ANGPT2: variants seen among roughly 807,000 people sequenced by gnomAD.
The protein encoded by ANGPT2 is angiopoietin 2.
A neutral mutation model predicts 62.9 loss-of-function variants in ANGPT2; 28 were observed. The ratio of observed to expected loss-of-function variants is 0.44; its 90% CI spans 0.33 to 0.61. ANGPT2 has a LOEUF of 0.61. ANGPT2 is among the 20% of genes least tolerant of loss of function. ANGPT2 has a pLI of 0.03. For missense variants in ANGPT2, 727 were observed against 594.9 expected (o/e 1.22, Z -2.31); for synonymous variants, 284 against 207.8 (o/e 1.37, Z -3.15).
chr8:6,508,619 C>G, intron 8 of ANGPT2: 1 of 483,990 alleles, frequency 2.1e-6, no homozygotes, highest in South Asian at 4.5e-5. Context: ...TGTAATTAAA[C>G]CATCTCTCTA....
At chr8:6,547,638 A>T (rs146227746) in intron 1 of ANGPT2, among the ~76,000 whole-genome samples, 1 of 152,148 alleles carries the variant, frequency 6.6e-6, no homozygotes, top group African/African-American at 2.4e-5. Context: ...GTTCCTATCA[A>T]ACAGTGAGTG....
intron 8 of ANGPT2, chr8:6,508,660 T>A (rs1196155886): frequency 3.4e-6 from 2 of 588,462 alleles, no homozygotes; most frequent in East Asian, 5.6e-5. Context: ...CAGGAGAGCT[T>A]GCTAAGAATC....
At chr8:6,554,416 A>T (rs1348167276) in intron 1 of ANGPT2, among the ~76,000 whole-genome samples, 1 of 152,108 alleles carries the variant, frequency 6.6e-6, no homozygotes, top group African/African-American at 2.4e-5. Context: ...ACAGGAAATG[A>T]TTGCTTCTCT....
Position 6,535,077 on chromosome 8 carries a change from C to T in ANGPT2, c.289-2590G>A, listed in dbSNP as rs535870871. On this transcript the variant is annotated intron_variant, in intron 1 of 8. Transcript: ENST00000629816. ...ACTCCAGCTGGAGTTTAGTTTAAGC[C>T]CATACTCAGAAATAATAATTTACAA... Among the ~76,000 whole-genome samples the T allele has an allele frequency of 3.3e-5, 5 of 152,144 alleles. No individual in the cohort carries two copies. The South Asian group carries it at 1.0e-3, about 32-fold the overall frequency.
intron 8 of ANGPT2, among the ~76,000 whole-genome samples, chr8:6,504,317 C>CAAA (rs35379672): frequency 0.052 from 4,427 of 85,724 alleles, 215 homozygotes; most frequent in African/African-American, 0.077. Flanking sequence ...GACTCCAGCT[C>CAAA]AAAAAAAAAA....
chr8:6,513,568 C>G (rs879160607), intron 7 of ANGPT2, 110 bp downstream of exon 7: 117 of 732,588 alleles, frequency 1.6e-4, no homozygotes, highest in Non-Finnish European at 1.7e-4. Context: ...CTCCTGACCT[C>G]GTGATCTGCC....
intron 7 of ANGPT2, among the ~76,000 whole-genome samples, chr8:6,510,755 G>A (rs1206797680): frequency 6.6e-6 from 1 of 152,202 alleles, no homozygotes; most frequent in Non-Finnish European, 1.5e-5. Flanking sequence ...TGAAGAAGTT[G>A]TGAAAAGATG....
chr8:6,541,401 G>T (rs764863812), intron 1 of ANGPT2, among the ~76,000 whole-genome samples: 1 of 152,176 alleles, frequency 6.6e-6, no homozygotes, highest in African/African-American at 2.4e-5. Flanking sequence ...AGTCAGCAGC[G>T]CTGGAGAGGA....
intron 1 of ANGPT2, among the ~76,000 whole-genome samples, chr8:6,538,988 G>A (rs1016471290): frequency 6.6e-6 from 1 of 152,000 alleles, no homozygotes; most frequent in African/African-American, 2.4e-5. Context: ...ACAGAAAAGT[G>A]GCAAAACTGG....
intron 1 of ANGPT2, among the ~76,000 whole-genome samples, chr8:6,546,539 C>CT (rs11418335): frequency 0.49 from 74,771 of 151,984 alleles, 18,766 homozygotes; most frequent in African/African-American, 0.61. Context: ...AATAAAGGAT[C>CT]TTTTTTTAAA....
rs570602551 is a variant in ANGPT2, at chr8:6,521,779, G to A, written c.567-369C>T. Among the ~76,000 whole-genome samples the A allele has an allele frequency of 2.0e-5, 3 of 152,280 alleles. No individual in the cohort carries two copies. In the South Asian group the frequency reaches 6.2e-4, roughly 32 times the overall value. ...TGCTCATGAAGTGCTTTTTTGAGAA[G>A]GGAGAGTTTCAACTGGGCTGGACCC... On this transcript the variant is annotated intron_variant, in intron 3 of 8. Transcript: ENST00000629816.
At position 6,532,045 on chromosome 8, in the gene ANGPT2, G is replaced by C. The variant is rs377578899; in HGVS notation, c.444+287C>G. Among the ~76,000 whole-genome samples the C allele has an allele frequency of 9.2e-5, 14 of 152,278 alleles. No individual in the cohort carries two copies. In the South Asian group the frequency reaches 2.3e-3, roughly 25 times the overall value. ...TCCAGAAAGCACCAGGGAGACAGAGGGGGTATTCATCTTGCAGTGGTTGGG... is the reference window on the plus strand; with the variant it reads ...TCCAGAAAGCACCAGGGAGACAGAGCGGGTATTCATCTTGCAGTGGTTGGG... On this transcript the variant is annotated intron_variant, in intron 2 of 8. Transcript: ENST00000629816.
At chr8:6,556,582 C>G (rs753114924) in intron 1 of ANGPT2, among the ~76,000 whole-genome samples, 3 of 152,038 alleles carry the variant, frequency 2.0e-5, no homozygotes, top group Non-Finnish European at 1.5e-5. Context: ...AGCATAGTGT[C>G]CCCCTGGGGC....
chr8:6,548,754 A>G (rs1441214340), intron 1 of ANGPT2, among the ~76,000 whole-genome samples: 1 of 152,238 alleles, frequency 6.6e-6, no homozygotes, highest in African/African-American at 2.4e-5. Flanking sequence ...TCTCTCTCTG[A>G]TGATGCTGGA....
chr8:6,527,608 T>C lies in ANGPT2; in HGVS notation c.513A>G (p.Glu171=). ...LEHSLSTNKL[E]KQILDQTSEI... ...CACTGGTCTGGTCCAAAATCTGTTT[T>C]TCCAATTTGTTTGTCGAGAGGGAGT... Residue 171 remains glutamate, a synonymous_variant, in exon 3 of 9, where the codon GAA becomes GAG. Coordinates refer to ENST00000629816, the MANE Select transcript of ANGPT2 (RefSeq NM_001118887.2). 1 of 1,614,116 alleles carries C rather than the reference T, an allele frequency of 6.2e-7. No homozygotes were observed. The highest frequency in any genetic ancestry group is 8.5e-7 in the Non-Finnish European group (1 of 1,179,982).
intron 7 of ANGPT2, among the ~76,000 whole-genome samples, chr8:6,513,371 C>T (rs984621073): frequency 1.7e-4 from 24 of 144,312 alleles, no homozygotes; most frequent in African/African-American, 5.4e-4. Flanking sequence ...CTTGCTCTGT[C>T]GCCCAGGTTG....
chr8:6,543,679 C>T (rs749153088), intron 1 of ANGPT2, among the ~76,000 whole-genome samples: 9 of 152,062 alleles, frequency 5.9e-5, no homozygotes, highest in Admixed American at 2.0e-4. Context: ...CGCTGAAGTT[C>T]GTGCTTTTCT....
chr8:6,559,307 T>C (rs1563126713), intron 1 of ANGPT2, among the ~76,000 whole-genome samples: 1 of 151,894 alleles, frequency 6.6e-6, no homozygotes, highest in Non-Finnish European at 1.5e-5. Flanking sequence ...TGGGTTCCCC[T>C]GGGAGCCCCT....
chr8:6,514,858 C>A lies in ANGPT2; in HGVS notation c.928-80G>T, dbSNP rs1220253788. The A allele has an allele frequency of 2.4e-6, 3 of 1,247,740 alleles. No homozygotes were observed. The African/African-American group carries it at 4.4e-5, about 18-fold the overall frequency. 77.3% of individuals were successfully genotyped at this position (1,247,740 alleles called of 1,614,324 possible). A position where few individuals can be genotyped will look rare whatever the true frequency, so the allele number is the denominator to read the frequency against. ...GTAGCAGAAGCAGGAGGAATGTAGACCCTGAGTGCAGGACTCAGCCGAGAG... is the reference window on the plus strand; with the variant it reads ...GTAGCAGAAGCAGGAGGAATGTAGAACCTGAGTGCAGGACTCAGCCGAGAG... On this transcript the variant is annotated intron_variant, in intron 5 of 8. Coordinates refer to ENST00000629816, the MANE Select transcript of ANGPT2 (RefSeq NM_001118887.2).
Sources: allele counts gnomAD v4.1 joint callset (sites outside exome capture counted in the v4.1 genomes callset), GRCh38; gene constraint gnomAD v4.1.1; transcripts MANE v1.5; gene names NCBI Gene and HGNC (gene_info 2026-07-23, HGNC 2026-07-21).